SLC22A23: variants seen among roughly 807,000 people sequenced by gnomAD.
The protein encoded by SLC22A23 is solute carrier family 22 member 23, also known as ion transporter protein.
A neutral mutation model predicts 61.0 loss-of-function variants in SLC22A23; 26 were observed. The observed-to-expected ratio is 0.43, with a 90% confidence interval of 0.31 to 0.59. SLC22A23 has a LOEUF of 0.59. Ranked by LOEUF, SLC22A23 falls within the 20% of genes least tolerant of loss-of-function variation. The pLI, the probability that SLC22A23 is intolerant of heterozygous loss-of-function variation, is 0.11. For synonymous variants in SLC22A23, 430 were observed against 413.9 expected (o/e 1.04, Z -0.47); for missense variants, 796 against 934.7 (o/e 0.85, Z 1.94).
At chr6:3,415,067 C>A (rs1408952153) in intron 2 of SLC22A23, among the ~76,000 whole-genome samples, 4 of 152,198 alleles carry the variant, frequency 2.6e-5, no homozygotes, top group Non-Finnish European at 5.9e-5. Context: ...ATCTCCTATT[C>A]GGGGTGTTGT....
chr6:3,411,001 G>A (rs2127514686), intron 2 of SLC22A23, among the ~76,000 whole-genome samples: 1 of 152,324 alleles, frequency 6.6e-6, no homozygotes, highest in South Asian at 2.1e-4. Context: ...GGGAGCCCAG[G>A]CTGTGATGAT....
intron 3 of SLC22A23, among the ~76,000 whole-genome samples, chr6:3,383,883 G>A (rs1767115685): frequency 2.6e-5 from 4 of 152,208 alleles, no homozygotes; most frequent in Admixed American, 2.0e-4. Context: ...GCCTTTGAAG[G>A]ATTTATGGTA....
intron 3 of SLC22A23, among the ~76,000 whole-genome samples, chr6:3,391,032 C>T (rs1767628607): frequency 6.6e-6 from 1 of 152,150 alleles, no homozygotes; most frequent in Non-Finnish European, 1.5e-5. Context: ...ATGCCCCTGA[C>T]AAGAAGATAC....
At chr6:3,429,209 G>A (rs112617404) in intron 1 of SLC22A23, among the ~76,000 whole-genome samples, 287 of 152,276 alleles carry the variant, frequency 1.9e-3, no homozygotes, top group African/African-American at 6.5e-3. Context: ...GGGGATATGC[G>A]TGCACATCAA....
At chr6:3,275,762 T>G (rs1430385212) in intron 9 of SLC22A23, among the ~76,000 whole-genome samples, 1 of 152,204 alleles carries the variant, frequency 6.6e-6, no homozygotes, top group East Asian at 1.9e-4. Context: ...TTTTGTATTT[T>G]TAGTAGAGTC....
chr6:3,324,111 G>A lies in SLC22A23; in HGVS notation c.914-109C>T, dbSNP rs376659754. On this transcript the variant is annotated intron_variant, in intron 3 of 9. Coordinates refer to ENST00000406686, the MANE Select transcript of SLC22A23 (RefSeq NM_015482.2). The surrounding 1 kb of genome is among the most constrained non-coding windows in gnomAD (Gnocchi z 4.3). ...GCTTAACCCACCAACGACTGAAATT[G>A]TTTTCATCTGCTGCCCACCACAAGT... is the stretch of plus-strand genomic sequence containing the variant. The A allele has an allele frequency of 2.2e-6, 3 of 1,359,952 alleles. No individual in the cohort carries two copies. In the South Asian group the frequency reaches 4.1e-5, roughly 19 times the overall value. 84.2% of individuals were successfully genotyped at this position (1,359,952 alleles called of 1,614,324 possible).
chr6:3,301,413 T>C (rs778124906), intron 4 of SLC22A23, among the ~76,000 whole-genome samples: 17 of 152,232 alleles, frequency 1.1e-4, no homozygotes, highest in Non-Finnish European at 2.1e-4. Flanking sequence ...AAACAATATA[T>C]GAATATATAT....
In SLC22A23 at chr6:3,456,018, T is replaced by TCGCC; in HGVS notation, c.538_541dup (p.Asp181GlyfsTer20). 2 of 1,546,856 alleles carry TCGCC rather than the reference T, an allele frequency of 1.3e-6. No homozygotes were observed. The highest frequency in any genetic ancestry group is 8.7e-7 in the Non-Finnish European group (1 of 1,146,772). On this transcript the variant is annotated frameshift_variant, in exon 1 of 10. Transcript: ENST00000406686. LOFTEE classifies it high-confidence loss of function. This position sits in a 1 kb window ranked among gnomAD's most constrained non-coding sequence, Gnocchi z 7.1. ...CGGAGGGGATGGCAGGGGTGGTGTG[T>TCGCC]CGCCTCCGTCCGCGCCGCTGCTGTT...
intron 3 of SLC22A23, among the ~76,000 whole-genome samples, chr6:3,363,224 T>C (rs1765593003): frequency 6.6e-6 from 1 of 152,240 alleles, no homozygotes; most frequent in Non-Finnish European, 1.5e-5. Flanking sequence ...CAAAGTCAGT[T>C]TTCTTTTCCT....
intron 4 of SLC22A23, among the ~76,000 whole-genome samples, chr6:3,305,539 T>C (rs1013772982): frequency 1.3e-5 from 2 of 152,230 alleles, no homozygotes; most frequent in African/African-American, 4.8e-5. Flanking sequence ...GAGATGGTTG[T>C]TTTAGTTTGG....
chr6:3,428,406 G>A (rs1770645827), intron 1 of SLC22A23, among the ~76,000 whole-genome samples: 1 of 152,138 alleles, frequency 6.6e-6, no homozygotes, highest in African/African-American at 2.4e-5. Context: ...ACTTTTGGGG[G>A]AACTCCAGGG....
intron 3 of SLC22A23, among the ~76,000 whole-genome samples, chr6:3,389,574 C>A (rs1342812769): frequency 2.0e-5 from 3 of 152,170 alleles, no homozygotes; most frequent in Non-Finnish European, 4.4e-5. Context: ...GAGTGCTTGG[C>A]ATCCTTTCTG....
chr6:3,422,798 G>A (rs1035798589), intron 1 of SLC22A23, among the ~76,000 whole-genome samples: 28 of 151,790 alleles, frequency 1.8e-4, no homozygotes, highest in East Asian at 1.9e-4. Flanking sequence ...TTCTACCTTA[G>A]TGCTAAAATA....
intron 3 of SLC22A23, among the ~76,000 whole-genome samples, chr6:3,394,651 A>G (rs1439641649): frequency 1.3e-5 from 2 of 152,154 alleles, no homozygotes; most frequent in Non-Finnish European, 2.9e-5. Context: ...AACACAAAGC[A>G]AAGCACATCA....
At chr6:3,353,878 C>T (rs532974580) in intron 3 of SLC22A23, among the ~76,000 whole-genome samples, 1 of 152,200 alleles carries the variant, frequency 6.6e-6, no homozygotes, top group Non-Finnish European at 1.5e-5. Context: ...CAGAGCATGA[C>T]AGCATCGAGG....
chr6:3,442,445 AAAGAC>A (rs780059217), intron 1 of SLC22A23, among the ~76,000 whole-genome samples: 6 of 152,246 alleles, frequency 3.9e-5, no homozygotes, highest in Admixed American at 6.5e-5. Context: ...AATTACAAAT[AAAGAC>A]AAGTTTTAAA....
chr6:3,357,262 G>A (rs1765172645), intron 3 of SLC22A23, among the ~76,000 whole-genome samples: 1 of 152,152 alleles, frequency 6.6e-6, no homozygotes, highest in Admixed American at 6.5e-5. Context: ...AAAACTCCCA[G>A]TGCAAACAAC....
chr6:3,346,430 G>A (rs1404230056), intron 3 of SLC22A23, among the ~76,000 whole-genome samples: 1 of 152,110 alleles, frequency 6.6e-6, no homozygotes, highest in East Asian at 1.9e-4. Context: ...TCCCCTGCAT[G>A]GATGAAGTCC....
chr6:3,385,152 A>T (rs985346354), intron 3 of SLC22A23, among the ~76,000 whole-genome samples: 2 of 152,138 alleles, frequency 1.3e-5, no homozygotes, highest in Non-Finnish European at 2.9e-5. Context: ...AGAGTTCTGG[A>T]GATGGATGGT....
Sources: gnomAD v4.1 joint callset for allele counts (sites outside exome capture counted in the v4.1 genomes callset) on GRCh38, gnomAD v4.1.1 for gene constraint, Gnocchi (gnomAD v3.1) non-coding constraint, MANE v1.5 for transcripts, NCBI Gene and HGNC (gene_info 2026-07-23, HGNC 2026-07-21) for gene names.